The following RHOBTB2 variants were observed in gnomAD, a reference collection of about 807,000 sequenced individuals.
RHOBTB2 encodes the protein Rho related BTB domain containing 2.
Under a neutral mutation model 66.5 loss-of-function variants are expected in RHOBTB2, and 39 were observed. The ratio of observed to expected loss-of-function variants is 0.59; its 90% confidence interval spans 0.45 to 0.77. The LOEUF is 0.77. RHOBTB2 is among the 30% of genes least tolerant of loss of function. The probability of loss-of-function intolerance (pLI) is 0.00; values close to 1 mark genes in which losing one functional copy is unlikely to be tolerated. For synonymous variants in RHOBTB2, 390 were observed against 395.0 expected, an observed-to-expected ratio of 0.99 and a Z score of 0.15; for missense variants, 755 against 999.1, an observed-to-expected ratio of 0.76 and a Z score of 3.29.
In RHOBTB2 at chr8:23,015,750, A is replaced by T. The variant is rs756645445; in HGVS notation, c.1966+7A>T. 6.3e-7 allele frequency: 1 copy of T among 1,595,842 alleles called. No homozygotes were observed. The highest frequency in any genetic ancestry group is 1.1e-5 in the South Asian group (1 of 90,496). ...ATGAAGGCCATGTCCCCAGGTGAGC[A>T]TCGGGGCCAGTCCTGGCAGTACCTG... On this transcript the variant is annotated splice_region_variant and intron_variant, in intron 9 of 9. Coordinates refer to ENST00000251822, the MANE Select transcript of RHOBTB2 (RefSeq NM_015178.3).
At chr8:22,951,984 G>A in the RHOBTB2 span, among the ~76,000 whole-genome samples, 1 of 152,186 alleles carries the variant, frequency 6.6e-6, no homozygotes, top group Non-Finnish European at 1.5e-5. Flanking sequence ...GCCTCCCAAA[G>A]TGCTGGGATT....
chr8:23,005,304 C>T, intron 2 of RHOBTB2, 68 bp from the exon 3 acceptor site: 1 of 1,198,092 alleles, frequency 8.3e-7, no homozygotes, highest in Non-Finnish European at 1.2e-6. Flanking sequence ...CGGCGCTTAT[C>T]CTGAGGTGGC....
the RHOBTB2 span, among the ~76,000 whole-genome samples, chr8:22,963,145 C>T: frequency 5.3e-5 from 8 of 152,112 alleles, no homozygotes; most frequent in African/African-American, 1.9e-4. Flanking sequence ...GATGCCAGGA[C>T]AAGATAACCC....
chr8:22,965,966 C>T, the RHOBTB2 span, among the ~76,000 whole-genome samples: 3,136 of 152,248 alleles, frequency 0.021, 91 homozygotes, highest in African/African-American at 0.06. Flanking sequence ...AGAACACTGT[C>T]AACAGAGTAA....
intron 3 of RHOBTB2, among the ~76,000 whole-genome samples, chr8:23,005,689 C>G (rs1200836626): frequency 6.6e-6 from 1 of 152,176 alleles, no homozygotes; most frequent in Non-Finnish European, 1.5e-5. Context: ...AGCTCTGTGC[C>G]TAGTAGCTCT....
At chr8:22,971,431 C>T in the RHOBTB2 span, among the ~76,000 whole-genome samples, 1 of 151,916 alleles carries the variant, frequency 6.6e-6, no homozygotes, top group South Asian at 2.1e-4. Flanking sequence ...GTGATCCTTA[C>T]ATCTCGACCT....
intron 1 of RHOBTB2, among the ~76,000 whole-genome samples, chr8:22,990,005 A>G (rs1810385370): frequency 6.6e-6 from 1 of 152,184 alleles, no homozygotes; most frequent in African/African-American, 2.4e-5. Context: ...TGAAATTTAA[A>G]TGAGGTAGTA....
At chr8:22,989,305 G>A (rs375325448) in intron 1 of RHOBTB2, among the ~76,000 whole-genome samples, 4 of 152,174 alleles carry the variant, frequency 2.6e-5, no homozygotes, top group East Asian at 3.9e-4. Flanking sequence ...ATGCCACCAC[G>A]CCTGGGTAAT....
At chr8:22,964,784 TTTTATTTATTTATTTATTTA>T in the RHOBTB2 span, among the ~76,000 whole-genome samples, 34,943 of 144,400 alleles carry the variant, frequency 0.24, 5,073 homozygotes, top group East Asian at 0.42. Flanking sequence ...ATTAGCTTTA[TTTTATTTATTTATTTATTTA>T]TTTATTTATT....
the RHOBTB2 span, among the ~76,000 whole-genome samples, chr8:22,971,263 C>A: frequency 2.6e-5 from 4 of 151,788 alleles, no homozygotes; most frequent in Non-Finnish European, 4.4e-5. Context: ...TGGCTCACTG[C>A]AGCCTTGAAC....
At chr8:23,009,047 G>A (rs1425775899) in intron 6 of RHOBTB2, among the ~76,000 whole-genome samples, 4 of 152,010 alleles carry the variant, frequency 2.6e-5, no homozygotes, top group Non-Finnish European at 4.4e-5. Context: ...AATAGGTGTA[G>A]GGGGTGGCTT....
At chr8:22,975,582 G>A in the RHOBTB2 span, among the ~76,000 whole-genome samples, 1 of 152,192 alleles carries the variant, frequency 6.6e-6, no homozygotes, top group Non-Finnish European at 1.5e-5. Flanking sequence ...GAAAGTGCTA[G>A]AACTAGGCTT....
In RHOBTB2 at chr8:23,004,353, G is replaced by T. The variant is rs759058505; in HGVS notation, c.-10-72G>T. 3.8e-6 allele frequency: 5 copies of T among 1,310,050 alleles called. No homozygotes were observed. In the African/African-American group the frequency reaches 4.4e-5, roughly 11 times the overall value. 81.2% of individuals were successfully genotyped at this position (1,310,050 alleles called of 1,614,324 possible). A position where few individuals can be genotyped will look rare whatever the true frequency, so the allele number is the denominator to read the frequency against. On this transcript the variant is annotated intron_variant, in intron 1 of 9. Coordinates refer to ENST00000251822, the MANE Select transcript of RHOBTB2 (RefSeq NM_015178.3). This position sits in a 1 kb window ranked among gnomAD's most constrained non-coding sequence, Gnocchi z 6.4. ...GGGGGCAGCCTGGCTGAGGAGAGCT[G>T]CGGGTGCTGGCCCTGGCCCACGGCG...
At chr8:22,963,773 A>G in the RHOBTB2 span, among the ~76,000 whole-genome samples, 1 of 151,478 alleles carries the variant, frequency 6.6e-6, no homozygotes, top group East Asian at 1.9e-4. Context: ...TTATTTATTT[A>G]TTTATATTAT....
the RHOBTB2 span, among the ~76,000 whole-genome samples, chr8:22,974,725 G>A: frequency 6.6e-6 from 1 of 152,256 alleles, no homozygotes; most frequent in East Asian, 1.9e-4. Flanking sequence ...CTTTCCTGAG[G>A]TAAAAATTAA....
the RHOBTB2 span, among the ~76,000 whole-genome samples, chr8:22,951,244 CTTTTTTTTTT>C: frequency 2.8e-3 from 247 of 88,004 alleles, 3 homozygotes; most frequent in South Asian, 0.015. Context: ...CTACTTAGCT[CTTTTTTTTTT>C]TTTTTTTTTT....
In RHOBTB2 at chr8:23,020,088, C is replaced by T. The variant is rs146799901; in HGVS notation, c.*2619C>T. Reference sequence around the variant, plus strand: ...TTTCCTGTCACTCAGAGCTGATTCACAGGAGGAGGGGAGGTTGGGGGGCGG... The same window carrying T: ...TTTCCTGTCACTCAGAGCTGATTCATAGGAGGAGGGGAGGTTGGGGGGCGG... On this transcript the variant is annotated 3_prime_UTR_variant, in exon 10 of 10. Transcript: ENST00000251822. 2.7e-6 allele frequency: 1 copy of T among 366,380 alleles called. No individual in the cohort carries two copies. Among genetic ancestry groups the T allele is most frequent in the Admixed American group, 3.4e-5 (1 of 29,068 alleles). The allele number at this position is 366,380 out of a possible 1,614,324, so 22.7% of individuals were successfully genotyped here.
At position 23,004,339 on chromosome 8, in the gene RHOBTB2, G is replaced by C. The variant is rs1050223632; in HGVS notation, c.-10-86G>C. ...CCGGGGCTTGCAGAGGGGGCAGCCT[G>C]GCTGAGGAGAGCTGCGGGTGCTGGC... On this transcript the variant is annotated intron_variant, in intron 1 of 9. Coordinates refer to ENST00000251822, the MANE Select transcript of RHOBTB2 (RefSeq NM_015178.3). This position sits in a 1 kb window ranked among gnomAD's most constrained non-coding sequence, Gnocchi z 6.4. 2.6e-5 allele frequency: 31 copies of C among 1,171,036 alleles called. No homozygotes were observed. Among genetic ancestry groups the C allele is most frequent in the Middle Eastern group, 3.8e-4 (2 of 5,208 alleles). The allele number at this position is 1,171,036 out of a possible 1,614,324, so 72.5% of individuals were successfully genotyped here. A position where few individuals can be genotyped will look rare whatever the true frequency, so the allele number is the denominator to read the frequency against.
intron 6 of RHOBTB2, among the ~76,000 whole-genome samples, chr8:23,010,252 C>T (rs143898541): frequency 4.7e-4 from 72 of 152,256 alleles, no homozygotes; most frequent in African/African-American, 1.7e-3. Context: ...GAGTTCAAGA[C>T]CATCCTGGAT....
Sources: gnomAD v4.1 joint callset for allele counts (sites outside exome capture counted in the v4.1 genomes callset) on GRCh38, gnomAD v4.1.1 for gene constraint, Gnocchi (gnomAD v3.1) non-coding constraint, MANE v1.5 for transcripts, NCBI Gene and HGNC (gene_info 2026-07-23, HGNC 2026-07-21) for gene names.